Variants in SZT2 observed in about 807,000 individuals in gnomAD.
The protein encoded by SZT2 is SZT2 subunit of KICSTOR complex.
Under a neutral mutation model 404.2 loss-of-function variants are expected in SZT2, and 216 were observed. That is an observed-to-expected ratio of 0.53 (90% confidence interval 0.48 to 0.60). The LOEUF (loss-of-function observed/expected upper bound fraction) is 0.60, where lower values mean the gene tolerates loss of function less well. Ranked by LOEUF, SZT2 falls within the 20% of genes least tolerant of loss-of-function variation. The probability of loss-of-function intolerance (pLI) is 0.00; values close to 1 mark genes in which losing one functional copy is unlikely to be tolerated. For synonymous variants in SZT2, 1,693 were observed against 1,749.9 expected (o/e 0.97, Z 0.81); for missense variants, 3,857 against 4,459.2 (o/e 0.86, Z 3.85).
intron 4 of SZT2, among the ~76,000 whole-genome samples, chr1:43,411,349 C>A (rs1193580126): frequency 2.0e-5 from 3 of 152,222 alleles, no homozygotes; most frequent in Non-Finnish European, 4.4e-5. Flanking sequence ...TTGGCTCTAG[C>A]CTGACCCAGG....
rs1215221860 is a variant in SZT2, at chr1:43,420,850, C to T, written c.1363C>T (p.Arg455Ter). The part of the protein sequence containing the change: ...APWPLEPEGP[R>*]VTRVEVTMEG... Reference sequence around the variant, plus strand: ...CTGGCCCCTGGAGCCTGAGGGCCCTCGAGTAACACGGGTGGAAGTGACGAT... The same window carrying T: ...CTGGCCCCTGGAGCCTGAGGGCCCTTGAGTAACACGGGTGGAAGTGACGAT... The change falls in exon 10 of 72, where the codon CGA (arginine) becomes TGA (stop). Residue 455 changes from arginine (R) to a stop codon, truncating the protein, a stop_gained. Coordinates refer to ENST00000634258, the MANE Select transcript of SZT2 (RefSeq NM_001365999.1). LOFTEE classifies it high-confidence loss of function. This position sits in a 1 kb window ranked among gnomAD's most constrained non-coding sequence, Gnocchi z 5.1. The T allele has an allele frequency of 1.9e-6, 3 of 1,598,402 alleles. No individual in the cohort carries two copies. Among genetic ancestry groups the T allele is most frequent in the South Asian group, 1.1e-5 (1 of 91,078 alleles).
chr1:43,424,049 C>T lies in SZT2; in HGVS notation c.2256-168C>T, dbSNP rs1261763946. 9.0e-6 allele frequency among the ~76,000 whole-genome samples: 1 copy of T among 111,010 alleles called. No homozygotes were observed. The highest frequency in any genetic ancestry group is 8.9e-5 in the Admixed American group (1 of 11,270). The allele number at this position is 111,010 out of a possible 152,430, so 72.8% of individuals were successfully genotyped here. A position where few individuals can be genotyped will look rare whatever the true frequency, so the allele number is the denominator to read the frequency against. The stretch of plus-strand genomic sequence containing the variant: ...GAGGTGTGGAAGGGCGTGGCTTAGC[C>T]GGGTATGAGTGGTACAGAGGTGTGG... On this transcript the variant is annotated intron_variant, in intron 15 of 71. Transcript: ENST00000634258. The surrounding 1 kb of genome is among the most constrained non-coding windows in gnomAD (Gnocchi z 4.1).
In SZT2 at chr1:43,452,887, C is replaced by G; in HGVS notation, c.*2407C>G. The G allele has an allele frequency of 6.3e-7, 1 of 1,588,020 alleles. No homozygotes were observed. Among genetic ancestry groups the G allele is most frequent in the Non-Finnish European group, 8.6e-7 (1 of 1,168,150 alleles). On this transcript the variant is annotated 3_prime_UTR_variant, in exon 72 of 72. Transcript: ENST00000634258. Reference sequence around the variant, plus strand: ...AGCAGACATTCCAGGCCTCCCCATCCCAACAGGCTACATACATGTCCAGCC... The same window carrying G: ...AGCAGACATTCCAGGCCTCCCCATCGCAACAGGCTACATACATGTCCAGCC...
At chr1:43,445,216 T>G (rs1432981464) in intron 62 of SZT2, 1 of 152,406 alleles carries the variant, frequency 6.6e-6, no homozygotes, top group Non-Finnish European at 1.5e-5. Context: ...ACAGCAAAAT[T>G]TAAAGCCAGG....
At position 43,430,486 on chromosome 1, in the gene SZT2, G is replaced by T; in HGVS notation, c.4481-10G>T. The T allele has an allele frequency of 6.2e-7, 1 of 1,612,462 alleles. No individual in the cohort carries two copies. The highest frequency in any genetic ancestry group is 8.5e-7 in the Non-Finnish European group (1 of 1,178,756). ...GCCTCTCTCATTGACCATGTGACAT[G>T]CACTACTAGGAGACACATCTGCCTG... On this transcript the variant is annotated splice_polypyrimidine_tract_variant and intron_variant, in intron 31 of 71. Coordinates refer to ENST00000634258, the MANE Select transcript of SZT2 (RefSeq NM_001365999.1).
chr1:43,394,694 C>T (rs1442559574), intron 1 of SZT2, among the ~76,000 whole-genome samples: 1 of 151,992 alleles, frequency 6.6e-6, no homozygotes, highest in East Asian at 1.9e-4. Flanking sequence ...GCCTCACCAG[C>T]ATGGAGAAAC....
rs1310531731 is a variant in SZT2, at chr1:43,453,037, G to A, written c.*2557G>A. On this transcript the variant is annotated 3_prime_UTR_variant, in exon 72 of 72. Coordinates refer to ENST00000634258, the MANE Select transcript of SZT2 (RefSeq NM_001365999.1). ...ACAGTCCAAGCATCACTACCTGTAA[G>A]CAGCTTTCTCTGATCCAGACAGGGT... is the stretch of plus-strand genomic sequence containing the variant. 2 of 1,342,778 alleles carry A rather than the reference G, an allele frequency of 1.5e-6. No homozygotes were observed. Among genetic ancestry groups the A allele is most frequent in the Non-Finnish European group, 2.1e-6 (2 of 946,124 alleles). 83.2% of individuals were successfully genotyped at this position (1,342,778 alleles called of 1,614,324 possible). A position where few individuals can be genotyped will look rare whatever the true frequency, so the allele number is the denominator to read the frequency against.
intron 12 of SZT2, 69 bp from the exon 13 acceptor site, chr1:43,422,411 A>G: frequency 1.3e-6 from 2 of 1,510,208 alleles, no homozygotes; most frequent in Non-Finnish European, 1.8e-6. Context: ...AGAGAGTGAT[A>G]GTAGTCTATT....
chr1:43,428,135 T>C lies in SZT2; in HGVS notation c.3919+17T>C, dbSNP rs921095011. 2 of 1,612,196 alleles carry C rather than the reference T, an allele frequency of 1.2e-6. No homozygotes were observed. Among genetic ancestry groups the C allele is most frequent in the African/African-American group, 1.3e-5 (1 of 74,800 alleles). ...ATGTCCGTGGTGAGCAGGAGGGCCG[T>C]GGGAGGGAGGAGTGGGGCCCTGCGG... On this transcript the variant is annotated intron_variant, in intron 27 of 71. Coordinates refer to ENST00000634258, the MANE Select transcript of SZT2 (RefSeq NM_001365999.1).
At position 43,440,065 on chromosome 1, in the gene SZT2, G is replaced by A. The variant is rs764485411; in HGVS notation, c.7210+17G>A. 2 of 1,613,374 alleles carry A rather than the reference G, an allele frequency of 1.2e-6. No homozygotes were observed. Among genetic ancestry groups the A allele is most frequent in the Non-Finnish European group, 1.7e-6 (2 of 1,179,782 alleles). On this transcript the variant is annotated intron_variant, in intron 51 of 71. Coordinates refer to ENST00000634258, the MANE Select transcript of SZT2 (RefSeq NM_001365999.1). ...CACCCACAGGTATGCAAGTCAAGAGGTCCCTGGGGTCCAGAGAATGTCACA... is the reference window on the plus strand; with the variant it reads ...CACCCACAGGTATGCAAGTCAAGAGATCCCTGGGGTCCAGAGAATGTCACA...
At position 43,432,598 on chromosome 1, in the gene SZT2, C is replaced by T; in HGVS notation, c.5524C>T (p.Gln1842Ter). The T allele has an allele frequency of 6.2e-7, 1 of 1,613,902 alleles. No individual in the cohort carries two copies. The highest frequency in any genetic ancestry group is 8.5e-7 in the Non-Finnish European group (1 of 1,179,864). Residue 1842 changes from glutamine (Q) to a stop codon, truncating the protein, a stop_gained, in exon 38 of 72, where the codon CAG becomes TAG. Transcript: ENST00000634258. LOFTEE classifies it high-confidence loss of function. ...CCTCATCAGCCTGCCCCGCGTGCCA[C>T]AGGGAGGTAAGAGAGGACTTGGGCA... ...VPLISLPRVP[Q>*]GGSQPGPSRG...
intron 4 of SZT2, chr1:43,410,520 A>C (rs1363883056): frequency 7.3e-6 from 1 of 136,106 alleles, no homozygotes; most frequent in Admixed American, 8.9e-5. Context: ...GCGCCACTGC[A>C]CTCCAGCCTG....
At chr1:43,413,808 G>A (rs777661645) in intron 4 of SZT2, among the ~76,000 whole-genome samples, 2 of 152,214 alleles carry the variant, frequency 1.3e-5, no homozygotes, top group African/African-American at 2.4e-5. Context: ...GCTGGGAAGG[G>A]TAGCTGGGGG....
Position 43,437,531 on chromosome 1 carries a change from G to T in SZT2, c.6290+23G>T, listed in dbSNP as rs1409789780. ...TCGGTATGTGGCCCTTGGAAGGTGG[G>T]TAGGGCATGAATTAAGGATGGCCTG... On this transcript the variant is annotated intron_variant, in intron 44 of 71. Transcript: ENST00000634258. This position sits in a 1 kb window ranked among gnomAD's most constrained non-coding sequence, Gnocchi z 5.3. 1 of 1,614,054 alleles carries T rather than the reference G, an allele frequency of 6.2e-7. No homozygotes were observed. The highest frequency in any genetic ancestry group is 8.5e-7 in the Non-Finnish European group (1 of 1,179,966).
In SZT2 at chr1:43,415,110, C is replaced by T. The variant is rs758767291; in HGVS notation, c.527C>T (p.Pro176Leu). The T allele has an allele frequency of 6.3e-7, 1 of 1,598,064 alleles. No individual in the cohort carries two copies. Among genetic ancestry groups the T allele is most frequent in the East Asian group, 2.2e-5 (1 of 44,874 alleles). Residue 176 changes from proline to leucine, a missense_variant, in exon 5 of 72, where the codon CCT becomes CTT. Physicochemically the swap from Pro to Leu is moderately conservative, Grantham distance 98. Around this residue, in one of 7 missense-constraint regions of SZT2, gnomAD observed 536 missense variants for 637.4 expected, o/e 0.84. Transcript: ENST00000634258. ...CTGGTACAGGGCTGCCTCTTGGACC[C>T]TTCCCAGCGGGAGGTGTTCCTGCAG... ...QVLVQGCLLD[P>L]SQREVFLQQI...
At chr1:43,444,530 G>C (rs1411255686) in intron 62 of SZT2, among the ~76,000 whole-genome samples, 1 of 151,996 alleles carries the variant, frequency 6.6e-6, no homozygotes, top group Non-Finnish European at 1.5e-5. Context: ...TCTCACCAAG[G>C]ACCTCTGTGC....
chr1:43,430,197 C>G, intron 30 of SZT2, 94 bp downstream of exon 30: 1 of 1,572,488 alleles, frequency 6.4e-7, no homozygotes, highest in Non-Finnish European at 8.7e-7. Flanking sequence ...CTGGATGTGG[C>G]TCTTGTCTTG....
At chr1:43,436,957 T>TA in intron 42 of SZT2, 1 of 598,284 alleles carries the variant, frequency 1.7e-6, no homozygotes, top group Non-Finnish European at 2.9e-6. Flanking sequence ...CTCCTTGAGA[T>TA]AGTTCTGGAA....
chr1:43,404,179 C>T lies in SZT2; in HGVS notation c.328-201C>T, dbSNP rs555935647. On this transcript the variant is annotated intron_variant, in intron 3 of 71. Transcript: ENST00000634258. The stretch of plus-strand genomic sequence containing the variant: ...CCGGGATCAGGCCACTGCGCTCTAG[C>T]GTGGGCAACAAAGCAAGACCCTGGT... The T allele has an allele frequency of 3.5e-5, 20 of 573,444 alleles. No individual in the cohort carries two copies. In the South Asian group the frequency reaches 3.9e-4, roughly 11 times the overall value. The allele number at this position is 573,444 out of a possible 1,614,324, so 35.5% of individuals were successfully genotyped here. A position where few individuals can be genotyped will look rare whatever the true frequency, so the allele number is the denominator to read the frequency against.
Sources: allele counts gnomAD v4.1 joint callset (sites outside exome capture counted in the v4.1 genomes callset), GRCh38; gene constraint gnomAD v4.1.1; regional missense constraint gnomAD v4.1.1; non-coding constraint Gnocchi (gnomAD v3.1); transcripts MANE v1.5; gene names NCBI Gene and HGNC (gene_info 2026-07-23, HGNC 2026-07-21).